Variants in HLA-DMA observed in about 807,000 individuals in gnomAD.
HLA-DMA encodes the protein major histocompatibility complex, class II, DM alpha.
In HLA-DMA, 20 loss-of-function variants were observed where a neutral mutation model predicts 27.3. The ratio of observed to expected loss-of-function variants is 0.73; its 90% CI spans 0.52 to 1.07. The LOEUF is 1.07. Among genes scored for constraint, HLA-DMA ranks in the 50% least tolerant of loss-of-function variants. The probability of loss-of-function intolerance (pLI) is 0.00; values close to 1 mark genes in which losing one functional copy is unlikely to be tolerated. For missense variants in HLA-DMA, 241 were observed against 321.7 expected (o/e 0.75, Z 1.92); for synonymous variants, 111 against 126.8 (o/e 0.88, Z 0.83).
In HLA-DMA at chr6:32,949,515, G is replaced by A. The variant is rs1294477293; in HGVS notation, c.652+96C>T. On this transcript the variant is annotated intron_variant, in intron 3 of 4. Transcript: ENST00000374843. This position sits in a 1 kb window ranked among gnomAD's most constrained non-coding sequence, Gnocchi z 5.8. The stretch of plus-strand genomic sequence containing the variant: ...CTGGGATGGGCTTAGGGTAGGAATG[G>A]ACTAAACAAGGTACCAGTGGAGAAA... 6.3e-7 allele frequency: 1 copy of A among 1,589,372 alleles called. No individual in the cohort carries two copies. Among genetic ancestry groups the A allele is most frequent in the Non-Finnish European group, 8.6e-7 (1 of 1,161,762 alleles).
At position 32,950,422 on chromosome 6, in the gene HLA-DMA, T is replaced by C; in HGVS notation, c.373+97A>G. On this transcript the variant is annotated intron_variant, in intron 2 of 4. Transcript: ENST00000374843. The surrounding 1 kb of genome is among the most constrained non-coding windows in gnomAD (Gnocchi z 5.0). ...GGTGATGAAGAGAACCAGAAAGTAT[T>C]TGAGATGGGGAGCTGGTATCAAGGG... The C allele has an allele frequency of 7.2e-7, 1 of 1,391,792 alleles. No homozygotes were observed. Among genetic ancestry groups the C allele is most frequent in the Non-Finnish European group, 1.0e-6 (1 of 1,003,430 alleles). The allele number at this position is 1,391,792 out of a possible 1,614,324, so 86.2% of individuals were successfully genotyped here.
At chr6:32,948,994 T>C in intron 4 of HLA-DMA, 126 bp from the exon 5 acceptor site, 2 of 1,125,782 alleles carry the variant, frequency 1.8e-6, no homozygotes, top group Non-Finnish European at 2.5e-6. Flanking sequence ...GAAGTTGATC[T>C]CTCCTTGTTC....
In HLA-DMA at chr6:32,949,213, C is replaced by G; in HGVS notation, c.781+58G>C. The stretch of plus-strand genomic sequence containing the variant: ...CCACAAAATAATCCTGACACATGCA[C>G]GCATGCACCACTGTATCTGGCTCCC... On this transcript the variant is annotated intron_variant, in intron 4 of 4. Transcript: ENST00000374843. The surrounding 1 kb of genome is among the most constrained non-coding windows in gnomAD (Gnocchi z 5.8). The G allele has an allele frequency of 6.2e-7, 1 of 1,608,700 alleles. No homozygotes were observed. Among genetic ancestry groups the G allele is most frequent in the South Asian group, 1.1e-5 (1 of 90,766 alleles).
rs1026734226 is a variant in HLA-DMA, at chr6:32,949,567, T to C, written c.652+44A>G. On this transcript the variant is annotated intron_variant, in intron 3 of 4. Coordinates refer to ENST00000374843, the MANE Select transcript of HLA-DMA (RefSeq NM_006120.4). This position sits in a 1 kb window ranked among gnomAD's most constrained non-coding sequence, Gnocchi z 5.8. ...AAGCCTCCTCCCATGGATCTATCCC[T>C]TTTTGCCCCCAAAAGGACCAGAATT... 6.2e-7 allele frequency: 1 copy of C among 1,609,790 alleles called. No homozygotes were observed. The highest frequency in any genetic ancestry group is 1.3e-5 in the African/African-American group (1 of 74,812).
chr6:32,950,445 G>A lies in HLA-DMA; in HGVS notation c.373+74C>T. The A allele has an allele frequency of 6.7e-7, 1 of 1,492,954 alleles. No individual in the cohort carries two copies. Among genetic ancestry groups the A allele is most frequent in the Non-Finnish European group, 9.2e-7 (1 of 1,086,632 alleles). The allele number at this position is 1,492,954 out of a possible 1,614,324, so 92.5% of individuals were successfully genotyped here. ...ATTTGAGATGGGGAGCTGGTATCAA[G>A]GGGAATTATTCAGTGTACAGATCAA... On this transcript the variant is annotated intron_variant, in intron 2 of 4. Transcript: ENST00000374843. This position sits in a 1 kb window ranked among gnomAD's most constrained non-coding sequence, Gnocchi z 5.0.
At position 32,950,685 on chromosome 6, in the gene HLA-DMA, G is replaced by C; in HGVS notation, c.207C>G (p.Phe69Leu). The C allele has an allele frequency of 6.2e-7, 1 of 1,613,104 alleles. No homozygotes were observed. The highest frequency in any genetic ancestry group is 1.1e-5 in the South Asian group (1 of 91,082). The change falls in exon 2 of 5, where the codon TTC becomes TTG. Residue 69 changes from phenylalanine (F) to leucine (L), a missense_variant. Physicochemically the swap from Phe to Leu is conservative, Grantham distance 22. Transcript: ENST00000374843. The surrounding 1 kb of genome is among the most constrained non-coding windows in gnomAD (Gnocchi z 5.0). ...GAGTGTTCTGGGAAAAGTCGAAGAAGAAAAGCTGGTCCTCGTCGTAGGCCT... is the reference window on the plus strand; with the variant it reads ...GAGTGTTCTGGGAAAAGTCGAAGAACAAAAGCTGGTCCTCGTCGTAGGCCT... ...LSEAYDEDQLFFFDFSQNTRV... is the reference protein window; with the variant it reads ...LSEAYDEDQLLFFDFSQNTRV...
chr6:32,948,870 T>G lies in HLA-DMA; in HGVS notation c.782-2A>C. Reference sequence around the variant, plus strand: ...AAACTCTGGTCTGGAAGAATCAGTCTGGGGGAGAGACAGGGATGGAGGAAA... The same window carrying G: ...AAACTCTGGTCTGGAAGAATCAGTCGGGGGGAGAGACAGGGATGGAGGAAA... On this transcript the variant is annotated splice_acceptor_variant, in intron 4 of 4. Transcript: ENST00000374843. LOFTEE classifies it high-confidence loss of function. 1 of 1,613,826 alleles carries G rather than the reference T, an allele frequency of 6.2e-7. No homozygotes were observed. The highest frequency in any genetic ancestry group is 1.1e-5 in the South Asian group (1 of 91,076).
At chr6:32,952,400 C>T (rs1259511101) in intron 1 of HLA-DMA, 2 of 471,652 alleles carry the variant, frequency 4.2e-6, no homozygotes, top group South Asian at 3.1e-5. Context: ...GACCCCATAA[C>T]TGCATAAAAT....
chr6:32,948,645 G>T lies in HLA-DMA; in HGVS notation c.*219C>A. 1.6e-6 allele frequency: 1 copy of T among 611,586 alleles called. No homozygotes were observed. The highest frequency in any genetic ancestry group is 1.9e-5 in the South Asian group (1 of 51,838). 37.9% of individuals were successfully genotyped at this position (611,586 alleles called of 1,614,324 possible). A position where few individuals can be genotyped will look rare whatever the true frequency, so the allele number is the denominator to read the frequency against. Reference sequence around the variant, plus strand: ...AAGAAATGAGATTTATTGCCTTGTGGGGGGAAGGGATGTGGTTGTGATAGG... The same window carrying T: ...AAGAAATGAGATTTATTGCCTTGTGTGGGGAAGGGATGTGGTTGTGATAGG... On this transcript the variant is annotated 3_prime_UTR_variant, in exon 5 of 5. Transcript: ENST00000374843.
At chr6:32,952,535 C>T (rs1242926201) in intron 1 of HLA-DMA, 5 of 421,184 alleles carry the variant, frequency 1.2e-5, no homozygotes, top group African/African-American at 1.0e-4. Flanking sequence ...CATTCTGCCC[C>T]ATCCTCTACA....
chr6:32,948,922 C>T (rs129654), intron 4 of HLA-DMA, 54 bp from the exon 5 acceptor site: 348,047 of 1,584,704 alleles, frequency 0.22, 39,499 homozygotes, highest in South Asian at 0.34. Flanking sequence ...TCCTCCTCCT[C>T]CTTCTCCTCC....
In HLA-DMA at chr6:32,949,243, G is replaced by A. The variant is rs776913731; in HGVS notation, c.781+28C>T. The stretch of plus-strand genomic sequence containing the variant: ...GCACCACTGTATCTGGCTCCCACAG[G>A]CTCACCCGCCCCCTCCAGATGACAT... On this transcript the variant is annotated intron_variant, in intron 4 of 4. Coordinates refer to ENST00000374843, the MANE Select transcript of HLA-DMA (RefSeq NM_006120.4). This position sits in a 1 kb window ranked among gnomAD's most constrained non-coding sequence, Gnocchi z 5.8. 1.9e-6 allele frequency: 3 copies of A among 1,613,858 alleles called. No homozygotes were observed. The highest frequency in any genetic ancestry group is 2.5e-6 in the Non-Finnish European group (3 of 1,179,830).
At chr6:32,952,229 C>A in intron 1 of HLA-DMA, 1 of 439,402 alleles carries the variant, frequency 2.3e-6, no homozygotes, top group South Asian at 1.7e-5. Flanking sequence ...CCTCCCCAAG[C>A]CATAGATGGG....
In HLA-DMA at chr6:32,949,857, G is replaced by A. The variant is rs899707945; in HGVS notation, c.406C>T (p.Pro136Ser). The A allele has an allele frequency of 3.1e-6, 5 of 1,613,054 alleles. No homozygotes were observed. The highest frequency in any genetic ancestry group is 1.7e-5 in the Admixed American group (1 of 60,028). The change falls in exon 3 of 5, where the codon CCC becomes TCC. Residue 136 changes from proline (P) to serine (S), a missense_variant. Physicochemically the swap from Pro to Ser is moderately conservative, Grantham distance 74 (BLOSUM62 -1). Transcript: ENST00000374843. The surrounding 1 kb of genome is among the most constrained non-coding windows in gnomAD (Gnocchi z 5.8). The stretch of plus-strand genomic sequence containing the variant: ...GTGTTGGGCTTGCCAAACTCCAGGG[G>A]CTTCAGCGTGAACACTTCAGCGATA... ...FPIAEVFTLK[P>S]LEFGKPNTLV... is the part of the protein sequence containing the mutation.
Position 32,949,644 on chromosome 6 carries a change from C to T in HLA-DMA, c.619G>A (p.Glu207Lys), listed in dbSNP as rs746951412. The T allele has an allele frequency of 3.1e-6, 5 of 1,612,950 alleles. No individual in the cohort carries two copies. Among genetic ancestry groups the T allele is most frequent in the East Asian group, 2.2e-5 (1 of 44,898 alleles). ...GCAATTGCTGTGTAGCGGTCAATTT[C>T]GTGAGTCACAATGCAGGAGAAAATG... ...SDIFSCIVTH[E>K]IDRYTAIAYW... The change falls in exon 3 of 5, where the codon GAA becomes AAA. Residue 207 changes from glutamate (E) to lysine (K), a missense_variant. Glu to Lys is a moderately conservative substitution (Grantham distance 56). Transcript: ENST00000374843. This position sits in a 1 kb window ranked among gnomAD's most constrained non-coding sequence, Gnocchi z 5.8.
At position 32,948,804 on chromosome 6, in the gene HLA-DMA, T is replaced by A. The variant is rs1052405731; in HGVS notation, c.*60A>T. Reference sequence around the variant, plus strand: ...GAGATCCTGGGCAGGATGTGAGAAATCTGAGCATCCTCTGTTTGGATGGCC... The same window carrying A: ...GAGATCCTGGGCAGGATGTGAGAAAACTGAGCATCCTCTGTTTGGATGGCC... On this transcript the variant is annotated 3_prime_UTR_variant, in exon 5 of 5. Transcript: ENST00000374843. 4.4e-6 allele frequency: 7 copies of A among 1,604,990 alleles called. No individual in the cohort carries two copies. The African/African-American group carries it at 8.0e-5, about 18-fold the overall frequency.
chr6:32,949,556 G>A lies in HLA-DMA; in HGVS notation c.652+55C>T. On this transcript the variant is annotated intron_variant, in intron 3 of 4. Transcript: ENST00000374843. The surrounding 1 kb of genome is among the most constrained non-coding windows in gnomAD (Gnocchi z 5.8). ...AGTGGAGAAAGAAGCCTCCTCCCAT[G>A]GATCTATCCCTTTTTGCCCCCAAAA... 6.2e-7 allele frequency: 1 copy of A among 1,605,352 alleles called. No homozygotes were observed. Among genetic ancestry groups the A allele is most frequent in the Non-Finnish European group, 8.5e-7 (1 of 1,173,616 alleles).
At chr6:32,951,466 C>CA (rs1561886916) in intron 1 of HLA-DMA, among the ~76,000 whole-genome samples, 2 of 151,036 alleles carry the variant, frequency 1.3e-5, no homozygotes, top group African/African-American at 2.4e-5. Flanking sequence ...CCTGTCTCTA[C>CA]AAAAAATACA....
chr6:32,950,818 G>A lies in HLA-DMA; in HGVS notation c.89-15C>T. 1 of 1,606,596 alleles carries A rather than the reference G, an allele frequency of 6.2e-7. No homozygotes were observed. ...TGGAGTAGGAGCTGCAAAGGACACAGGGTGAGGTTCAGGGAGGTGGGAGCC... is the reference window on the plus strand; with the variant it reads ...TGGAGTAGGAGCTGCAAAGGACACAAGGTGAGGTTCAGGGAGGTGGGAGCC... On this transcript the variant is annotated splice_polypyrimidine_tract_variant and intron_variant, in intron 1 of 4. Transcript: ENST00000374843. The surrounding 1 kb of genome is among the most constrained non-coding windows in gnomAD (Gnocchi z 5.0).
Sources: gnomAD v4.1 joint callset for allele counts (sites outside exome capture counted in the v4.1 genomes callset) on GRCh38, gnomAD v4.1.1 for gene constraint, Gnocchi (gnomAD v3.1) non-coding constraint, MANE v1.5 for transcripts, NCBI Gene and HGNC (gene_info 2026-07-23, HGNC 2026-07-21) for gene names.